The following ZNF354C variants were observed in gnomAD, a reference collection of about 807,000 sequenced individuals.
ZNF354C encodes KRAB-zinc finger protein synten.
ZNF354C carries 7 observed loss-of-function variants against 12.4 expected under a neutral mutation model. That is an observed-to-expected ratio of 0.56 (90% CI 0.32 to 1.06). The LOEUF is 1.06. Among genes scored for constraint, ZNF354C ranks in the 50% least tolerant of loss-of-function variants. The pLI, the probability that ZNF354C is intolerant of heterozygous loss-of-function variation, is 0.04. For missense variants in ZNF354C, 609 were observed against 658.0 expected (o/e 0.93, Z 0.81); for synonymous variants, 202 against 224.5 (o/e 0.90, Z 0.90).
intron 2 of ZNF354C, among the ~76,000 whole-genome samples, chr5:179,073,082 G>C (rs1030447082): frequency 3.3e-5 from 5 of 152,058 alleles, no homozygotes; most frequent in African/African-American, 1.2e-4. Context: ...TTGAATGACC[G>C]CTGGCTTCTC....
At chr5:179,069,797 C>A (rs934575737) in intron 2 of ZNF354C, among the ~76,000 whole-genome samples, 2 of 151,390 alleles carry the variant, frequency 1.3e-5, no homozygotes, top group Non-Finnish European at 2.9e-5. Context: ...ACCCGGGAGG[C>A]GGAGCTTGCA....
At chr5:179,070,755 A>G (rs1223019554) in intron 2 of ZNF354C, among the ~76,000 whole-genome samples, 2 of 152,070 alleles carry the variant, frequency 1.3e-5, no homozygotes, top group East Asian at 1.9e-4. Flanking sequence ...TCTAAGTGAG[A>G]ACATTATAAG....
intron 2 of ZNF354C, among the ~76,000 whole-genome samples, chr5:179,071,367 ATTTTTTT>A (rs35793705): frequency 7.6e-6 from 1 of 131,534 alleles, no homozygotes; most frequent in Non-Finnish European, 1.6e-5. Flanking sequence ...TGCCAGGCTC[ATTTTTTT>A]TTTTTTTTTT....
chr5:179,080,318 TAA>T lies in ZNF354C; in HGVS notation c.*222_*223del, dbSNP rs140882481. ...AGGTATCTAAAAACCTATGAGTATT[TAA>T]TTCATAGAAAAAATGTAAAAGGTCT... On this transcript the variant is annotated 3_prime_UTR_variant, in exon 5 of 5. Transcript: ENST00000315475. 6,962 of 303,792 alleles carry T rather than the reference TAA, an allele frequency of 0.023. 104 individuals are homozygous for T. The highest frequency in any genetic ancestry group is 0.032 in the Non-Finnish European group (5,401 of 167,330). 18.8% of individuals were successfully genotyped at this position (303,792 alleles called of 1,614,324 possible).
chr5:179,082,595 A>G lies in ZNF354C; in HGVS notation c.*2498A>G. ...ATTCCAGATTTCGGGAGGGATGAAG[A>G]GGGAGATATTCAGAAACCTTCACCA... is the stretch of plus-strand genomic sequence containing the variant. On this transcript the variant is annotated 3_prime_UTR_variant, in exon 5 of 5. Coordinates refer to ENST00000315475, the MANE Select transcript of ZNF354C (RefSeq NM_014594.3). 1 of 1,042,324 alleles carries G rather than the reference A, an allele frequency of 9.6e-7. No individual in the cohort carries two copies. The highest frequency in any genetic ancestry group is 1.5e-6 in the Non-Finnish European group (1 of 661,334). 64.6% of individuals were successfully genotyped at this position (1,042,324 alleles called of 1,614,324 possible).
chr5:179,082,924 C>T lies in ZNF354C; in HGVS notation c.*2827C>T, dbSNP rs1762248876. 3 of 934,286 alleles carry T rather than the reference C, an allele frequency of 3.2e-6. No individual in the cohort carries two copies. 57.9% of individuals were successfully genotyped at this position (934,286 alleles called of 1,614,324 possible). ...TGAAGAATCACGGAGAACTCCACCT[C>T]ATCTCCTGCCTGGAGCTCAAGGCCA... is the stretch of plus-strand genomic sequence containing the variant. On this transcript the variant is annotated 3_prime_UTR_variant, in exon 5 of 5. Transcript: ENST00000315475.
At chr5:179,067,693 CA>C (rs1444223290) in intron 2 of ZNF354C, among the ~76,000 whole-genome samples, 2 of 151,942 alleles carry the variant, frequency 1.3e-5, no homozygotes, top group African/African-American at 2.4e-5. Context: ...ACTAAAAATA[CA>C]AAAATTAGCT....
intron 2 of ZNF354C, among the ~76,000 whole-genome samples, chr5:179,073,928 G>T (rs189220149): frequency 6.6e-5 from 10 of 151,796 alleles, no homozygotes; most frequent in Admixed American, 2.6e-4. Context: ...AAGTGCTAGG[G>T]TTACAGGTGT....
intron 2 of ZNF354C, among the ~76,000 whole-genome samples, chr5:179,074,612 C>T (rs767280372): frequency 3.0e-4 from 45 of 152,130 alleles, no homozygotes; most frequent in Admixed American, 3.9e-4. Flanking sequence ...AGAGTCATGG[C>T]GTGGTCTGTG....
chr5:179,068,504 G>GT (rs1432260118), intron 2 of ZNF354C, among the ~76,000 whole-genome samples: 3 of 151,470 alleles, frequency 2.0e-5, no homozygotes, highest in African/African-American at 7.3e-5. Flanking sequence ...TTTACATTGT[G>GT]TTTTTGTTTT....
intron 4 of ZNF354C, among the ~76,000 whole-genome samples, chr5:179,078,087 C>T (rs1411521923): frequency 4.6e-5 from 7 of 152,250 alleles, no homozygotes; most frequent in Non-Finnish European, 8.8e-5. Flanking sequence ...AGGTGTGAGC[C>T]ACCGCGCCCG....
At chr5:179,062,219 T>C in intron 2 of ZNF354C, 124 bp downstream of exon 2, 2 of 1,277,082 alleles carry the variant, frequency 1.6e-6, no homozygotes, top group Middle Eastern at 1.8e-4. Context: ...ATCCGGAACC[T>C]CAAAAGTTTT....
chr5:179,078,777 T>A lies in ZNF354C; in HGVS notation c.345T>A (p.Ile115=). ...AGGGAATGGTAAAGAAAGAATCCAT[T>A]AAGGATGGTCACTGGGACATTAACT... ...TSQGMVKKES[I]KDGHWDINFE... Residue 115 remains isoleucine (I), a synonymous_variant, in exon 5 of 5, where the codon ATT becomes ATA. Coordinates refer to ENST00000315475, the MANE Select transcript of ZNF354C (RefSeq NM_014594.3). 1.2e-6 allele frequency: 2 copies of A among 1,614,028 alleles called. No homozygotes were observed. Among genetic ancestry groups the A allele is most frequent in the Non-Finnish European group, 1.7e-6 (2 of 1,179,976 alleles).
intron 2 of ZNF354C, among the ~76,000 whole-genome samples, chr5:179,067,750 A>G (rs1251182831): frequency 1.3e-5 from 2 of 152,198 alleles, no homozygotes; most frequent in East Asian, 3.9e-4. Context: ...TGGGAGGCTG[A>G]GGCAGGAGAA....
intron 2 of ZNF354C, among the ~76,000 whole-genome samples, chr5:179,066,329 C>G (rs1761957628): frequency 6.6e-6 from 1 of 152,244 alleles, no homozygotes; most frequent in African/African-American, 2.4e-5. Context: ...ATTCATTTCA[C>G]TCATCCATAT....
At chr5:179,063,928 T>C (rs1181039455) in intron 2 of ZNF354C, among the ~76,000 whole-genome samples, 1 of 152,224 alleles carries the variant, frequency 6.6e-6, no homozygotes, top group African/African-American at 2.4e-5. Context: ...CCTGCCAGAT[T>C]TGGTGTGCTT....
At position 179,078,802 on chromosome 5, in the gene ZNF354C, T is replaced by G. The variant is rs748474302; in HGVS notation, c.370T>G (p.Phe124Val). Reference sequence around the variant, plus strand: ...TAAGGATGGTCACTGGGACATTAACTTTGAAGAAGCTGTGGAATTTGAGAG... The same window carrying G: ...TAAGGATGGTCACTGGGACATTAACGTTGAAGAAGCTGTGGAATTTGAGAG... Reference protein sequence around the residue: ...SIKDGHWDINFEEAVEFESEI... With the variant: ...SIKDGHWDINVEEAVEFESEI... Residue 124 changes from phenylalanine (F) to valine (V), a missense_variant, in exon 5 of 5, where the codon TTT becomes GTT. Physicochemically the swap from Phe to Val is conservative, Grantham distance 50. Transcript: ENST00000315475. The G allele has an allele frequency of 6.2e-7, 1 of 1,614,070 alleles. No individual in the cohort carries two copies. The highest frequency in any genetic ancestry group is 1.3e-5 in the African/African-American group (1 of 75,028).
intron 2 of ZNF354C, among the ~76,000 whole-genome samples, chr5:179,071,703 G>A (rs1221586841): frequency 6.6e-6 from 1 of 152,144 alleles, no homozygotes; most frequent in Non-Finnish European, 1.5e-5. Flanking sequence ...ATAACCACAA[G>A]ATAGAGTTTG....
At chr5:179,069,069 G>GGGGT (rs1581116926) in intron 2 of ZNF354C, among the ~76,000 whole-genome samples, 2 of 152,354 alleles carry the variant, frequency 1.3e-5, no homozygotes, top group East Asian at 3.9e-4. Context: ...CTGAGGCATA[G>GGGGT]GGGTGGAAGC....
Sources: gnomAD v4.1 joint callset for allele counts (sites outside exome capture counted in the v4.1 genomes callset) on GRCh38, gnomAD v4.1.1 for gene constraint, MANE v1.5 for transcripts, NCBI Gene and HGNC (gene_info 2026-07-23, HGNC 2026-07-21) for gene names.